Variants in TOP3B observed in about 807,000 individuals in gnomAD.
TOP3B encodes the protein DNA topoisomerase III beta.
A neutral mutation model predicts 93.9 loss-of-function variants in TOP3B; 45 were observed. The ratio of observed to expected loss-of-function variants is 0.48; its 90% CI spans 0.38 to 0.61. The LOEUF (loss-of-function observed/expected upper bound fraction) is 0.61. TOP3B is among the 20% of genes least tolerant of loss of function. TOP3B has a pLI of 0.00. For synonymous variants in TOP3B, 357 were observed against 472.6 expected (o/e 0.76, Z 3.17); for missense variants, 750 against 1,156.1 (o/e 0.65, Z 5.09).
chr22:21,958,521 T>C lies in TOP3B; in HGVS notation c.2078A>G (p.Asn693Ser), dbSNP rs1240578773. The change falls in exon 17 of 18, where the codon AAC (asparagine) becomes AGC (serine). Residue 693 changes from asparagine to serine, a missense_variant. Around this residue, in one of 4 missense-constraint regions of TOP3B, gnomAD observed 737 missense variants for 933.7 expected, o/e 0.79. Transcript: ENST00000357179. Reference protein sequence around the residue: ...KSYPLCPYCYNHPPFRDMKKG... With the variant: ...KSYPLCPYCYSHPPFRDMKKG... ...CTTCATGTCTCGGAAGGGTGGGTGG[T>C]TGTAGCAGTAGGGGCACAGCGGGTA... 6 of 1,613,834 alleles carry C rather than the reference T, an allele frequency of 3.7e-6. No individual in the cohort carries two copies. Among genetic ancestry groups the C allele is most frequent in the Non-Finnish European group, 5.1e-6 (6 of 1,180,026 alleles).
intron 1 of TOP3B, among the ~76,000 whole-genome samples, chr22:21,981,397 G>A (rs900987665): frequency 2.6e-5 from 4 of 152,172 alleles, no homozygotes; most frequent in African/African-American, 9.7e-5. Flanking sequence ...CAGCAGCCCA[G>A]CTTTGCTTCC....
intron 1 of TOP3B, among the ~76,000 whole-genome samples, chr22:21,979,091 C>G (rs371887193): frequency 6.0e-4 from 92 of 152,070 alleles, no homozygotes; most frequent in African/African-American, 2.2e-3. Flanking sequence ...ATGCTGCGGG[C>G]AGGCCCACAG....
chr22:21,963,886 C>T lies in TOP3B; in HGVS notation c.1204+37G>A. On this transcript the variant is annotated intron_variant, in intron 11 of 17. Transcript: ENST00000357179. This position sits in a 1 kb window ranked among gnomAD's most constrained non-coding sequence, Gnocchi z 4.8. ...TCACTGTCGCAGCTCGCCCTTCCCT[C>T]CCTGGAAGCACACCGGGTATGGGAT... 2 of 1,606,440 alleles carry T rather than the reference C, an allele frequency of 1.2e-6. No individual in the cohort carries two copies. The highest frequency in any genetic ancestry group is 1.7e-6 in the Non-Finnish European group (2 of 1,174,706).
chr22:21,959,078 C>T, intron 16 of TOP3B, 54 bp downstream of exon 16: 1 of 1,594,568 alleles, frequency 6.3e-7, no homozygotes, highest in South Asian at 1.1e-5. Flanking sequence ...AACGATAAAG[C>T]TGAGGCCTAC....
At chr22:21,974,221 T>C in intron 3 of TOP3B, 136 bp downstream of exon 3, 1 of 1,162,006 alleles carries the variant, frequency 8.6e-7, no homozygotes, top group Non-Finnish European at 1.2e-6. Flanking sequence ...TCATTGCTAC[T>C]TCATGATCTG....
At chr22:21,960,094 TTGGTTCCCTCACACATC>T (rs2071102393) in intron 14 of TOP3B, 1 of 693,030 alleles carries the variant, frequency 1.4e-6, no homozygotes, top group South Asian at 1.9e-5. Context: ...GCCTCCCTTT[TTGGTTCCCTCACACATC>T]TGTTCAGCCT....
Position 21,965,388 on chromosome 22 carries a change from A to T in TOP3B, c.853-13T>A. 6.4e-7 allele frequency: 1 copy of T among 1,564,438 alleles called. No homozygotes were observed. The highest frequency in any genetic ancestry group is 8.7e-7 in the Non-Finnish European group (1 of 1,143,450). ...TTGTGGCCTCCACCTGGAAGACAGG[A>T]CAGTCAATGATTTGGGGAAGGAGGA... On this transcript the variant is annotated splice_polypyrimidine_tract_variant and intron_variant, in intron 8 of 17. Coordinates refer to ENST00000357179, the MANE Select transcript of TOP3B (RefSeq NM_001282112.2).
chr22:21,964,573 T>C (rs9610730), intron 9 of TOP3B: 3 of 543,902 alleles, frequency 5.5e-6, no homozygotes, highest in Admixed American at 3.1e-5. Flanking sequence ...CGCCACTCAC[T>C]CTACCCCACG....
chr22:21,962,091 G>T, intron 13 of TOP3B: 1 of 1,247,802 alleles, frequency 8.0e-7, no homozygotes, highest in Non-Finnish European at 1.0e-6. Context: ...TGGCTGTGTG[G>T]ACTCAGGGGA....
intron 13 of TOP3B, 98 bp from the exon 14 acceptor site, chr22:21,960,547 C>T (rs923140076): frequency 6.6e-7 from 1 of 1,522,110 alleles, no homozygotes; most frequent in African/African-American, 1.4e-5. Context: ...GGTGCTCAGG[C>T]CCTCTCACTG....
At position 21,970,271 on chromosome 22, in the gene TOP3B, C is replaced by T. The variant is rs546455586; in HGVS notation, c.520G>A (p.Glu174Lys). The T allele has an allele frequency of 5.0e-6, 8 of 1,613,970 alleles. No homozygotes were observed. The highest frequency in any genetic ancestry group is 2.2e-5 in the East Asian group (1 of 44,878). ...MACLGEPDHN[E>K]ALSVDARQEL... The stretch of plus-strand genomic sequence containing the variant: ...TGGCGAGCATCCACTGAGAGCGCCT[C>T]GTTGTGGTCAGGCTCGCCTAGGCAG... The change falls in exon 6 of 18, where the codon GAG (glutamate) becomes AAG (lysine). Residue 174 changes from glutamate to lysine, a missense_variant. Glu to Lys is a moderately conservative substitution (Grantham distance 56). This residue lies in a region of TOP3B where 737 missense variants were observed against 933.7 expected (regional missense o/e 0.79). Coordinates refer to ENST00000357179, the MANE Select transcript of TOP3B (RefSeq NM_001282112.2). The surrounding 1 kb of genome is among the most constrained non-coding windows in gnomAD (Gnocchi z 4.4).
chr22:21,960,100 C>T (rs2071102694), intron 14 of TOP3B: 4 of 715,976 alleles, frequency 5.6e-6, no homozygotes, highest in East Asian at 5.4e-5. Flanking sequence ...CTTTTTGGTT[C>T]CCTCACACAT....
At chr22:21,966,383 G>C (rs914364290) in intron 8 of TOP3B, 1 of 152,224 alleles carries the variant, frequency 6.6e-6, no homozygotes, top group Non-Finnish European at 1.5e-5. Flanking sequence ...GCCAGCATCA[G>C]CCAAGCTACA....
chr22:21,975,601 A>T (rs1238312493), intron 2 of TOP3B, 39 bp downstream of exon 2: 4 of 1,567,800 alleles, frequency 2.6e-6, no homozygotes, highest in Non-Finnish European at 3.5e-6. Context: ...CACATAAACG[A>T]CCGTGCTTAC....
In TOP3B at chr22:21,971,978, A is replaced by T; in HGVS notation, c.310-27T>A. On this transcript the variant is annotated intron_variant, in intron 4 of 17. Coordinates refer to ENST00000357179, the MANE Select transcript of TOP3B (RefSeq NM_001282112.2). This position sits in a 1 kb window ranked among gnomAD's most constrained non-coding sequence, Gnocchi z 4.6. The stretch of plus-strand genomic sequence containing the variant: ...TGCCACACAGCACAGGTTCACACGT[A>T]CCTGCTGCAGACCCGGTCTGTGCCA... The T allele has an allele frequency of 1.9e-6, 3 of 1,605,286 alleles. No homozygotes were observed. Among genetic ancestry groups the T allele is most frequent in the Middle Eastern group, 1.7e-4 (1 of 6,032 alleles).
At chr22:21,964,586 G>T in intron 9 of TOP3B, 1 of 515,520 alleles carries the variant, frequency 1.9e-6, no homozygotes, top group Non-Finnish European at 3.5e-6. Flanking sequence ...ACCCCACGGT[G>T]CATCCTCATG....
chr22:21,965,672 G>A (rs553875064), intron 8 of TOP3B: 1 of 187,188 alleles, frequency 5.3e-6, no homozygotes, highest in Non-Finnish European at 1.1e-5. Context: ...TTCGAGACCA[G>A]CTTGACCAAG....
chr22:21,981,148 T>G (rs1287898573), intron 1 of TOP3B, among the ~76,000 whole-genome samples: 1 of 152,228 alleles, frequency 6.6e-6, no homozygotes, highest in Non-Finnish European at 1.5e-5. Context: ...TCCTCAGATT[T>G]TCTCATGTCT....
At chr22:21,958,879 G>T (rs1444736423) in intron 16 of TOP3B, 186 bp from the exon 17 acceptor site, 1 of 1,124,004 alleles carries the variant, frequency 8.9e-7, no homozygotes, top group Non-Finnish European at 1.2e-6. Context: ...TAAAATCTCT[G>T]TGTGTACATT....
Sources: gnomAD v4.1 joint callset for allele counts (sites outside exome capture counted in the v4.1 genomes callset) on GRCh38, gnomAD v4.1.1 for gene constraint, gnomAD v4.1.1 regional missense constraint, Gnocchi (gnomAD v3.1) non-coding constraint, MANE v1.5 for transcripts, NCBI Gene and HGNC (gene_info 2026-07-23, HGNC 2026-07-21) for gene names.